ZNF451: variants seen among roughly 807,000 people sequenced by gnomAD.
ZNF451 encodes zinc finger protein 451.
Under a neutral mutation model 107.1 loss-of-function variants are expected in ZNF451, and 80 were observed. The observed-to-expected ratio is 0.75, with a 90% CI of 0.62 to 0.90. ZNF451 has a LOEUF of 0.90. Among genes scored for constraint, ZNF451 ranks in the 40% least tolerant of loss-of-function variants. The pLI is 0.00. For missense variants in ZNF451, 1,107 were observed against 1,236.2 expected (o/e 0.90, Z 1.57); for synonymous variants, 362 against 406.5 (o/e 0.89, Z 1.32).
intron 3 of ZNF451, among the ~76,000 whole-genome samples, chr6:57,120,554 T>G (rs1427506400): frequency 1.3e-5 from 2 of 152,260 alleles, no homozygotes; most frequent in African/African-American, 2.4e-5. Flanking sequence ...ACATCCTTGC[T>G]AACATTTGAT....
Position 57,150,739 on chromosome 6 carries a change from C to T in ZNF451, c.2629C>T (p.Pro877Ser). 2.5e-6 allele frequency: 4 copies of T among 1,602,424 alleles called. No homozygotes were observed. Among genetic ancestry groups the T allele is most frequent in the Non-Finnish European group, 3.4e-6 (4 of 1,175,672 alleles). Residue 877 changes from proline (P) to serine (S), a missense_variant, in exon 11 of 15, where the codon CCA (proline) becomes TCA (serine). Transcript: ENST00000370706. ...QNIEEEIVEL[P>S]DLDYLRTMTH... ...CTCAGAGGAAGAAATTGTTGAGCTT[C>T]CAGATTTGGATTACCTGCGAACCAT...
intron 7 of ZNF451, among the ~76,000 whole-genome samples, chr6:57,138,792 A>ATTT (rs397973821): frequency 1.2e-4 from 9 of 77,622 alleles, no homozygotes; most frequent in Admixed American, 3.1e-4. Flanking sequence ...TATATATAAA[A>ATTT]TTTTTTTTTT....
At chr6:57,104,409 T>C (rs946167184) in intron 3 of ZNF451, 1 of 985,286 alleles carries the variant, frequency 1.0e-6, no homozygotes, top group Admixed American at 6.1e-5. Flanking sequence ...CTTCAGACTT[T>C]TCACTTTCCA....
intron 3 of ZNF451, among the ~76,000 whole-genome samples, chr6:57,109,889 G>A (rs1444198975): frequency 6.6e-6 from 1 of 152,176 alleles, no homozygotes; most frequent in Admixed American, 6.5e-5. Flanking sequence ...ATCTTTTTCA[G>A]TACCTGCTAT....
rs1764041650 is a variant in ZNF451, at chr6:57,169,518, C to T, written c.*1049C>T. 1 of 152,070 alleles carries T rather than the reference C, an allele frequency of 6.6e-6. No homozygotes were observed. Among genetic ancestry groups the T allele is most frequent in the African/African-American group, 2.4e-5 (1 of 41,412 alleles). The allele number at this position is 152,070 out of a possible 1,614,324, so 9.4% of individuals were successfully genotyped here. ...TGTTATTTAACCAGAAATGTCTTATCTCTAAAAATTTTTAGTAGTAATTAT... is the reference window on the plus strand; with the variant it reads ...TGTTATTTAACCAGAAATGTCTTATTTCTAAAAATTTTTAGTAGTAATTAT... On this transcript the variant is annotated 3_prime_UTR_variant, in exon 15 of 15. Transcript: ENST00000370706.
intron 3 of ZNF451, chr6:57,108,005 A>T (rs1031477787): frequency 9.8e-6 from 5 of 509,472 alleles, no homozygotes; most frequent in Non-Finnish European, 1.3e-5. Context: ...CACCCGGCGA[A>T]TTTTTTGTAT....
At chr6:57,125,857 A>G (rs754559708) in intron 4 of ZNF451, among the ~76,000 whole-genome samples, 1 of 152,152 alleles carries the variant, frequency 6.6e-6, no homozygotes, top group African/African-American at 2.4e-5. Context: ...ACATACACAT[A>G]TGCAAACACA....
chr6:57,148,154 A>G lies in ZNF451; in HGVS notation c.2069A>G (p.His690Arg), dbSNP rs1417649879. 1 of 1,614,106 alleles carries G rather than the reference A, an allele frequency of 6.2e-7. No homozygotes were observed. Among genetic ancestry groups the G allele is most frequent in the East Asian group, 2.2e-5 (1 of 44,878 alleles). Residue 690 changes from histidine to arginine, a missense_variant, in exon 10 of 15, where the codon CAC becomes CGC. Coordinates refer to ENST00000370706, the MANE Select transcript of ZNF451 (RefSeq NM_001031623.3). The part of the protein sequence containing the change: ...EAFLSHYEEH[H>R]SIDYVFVSEK... Reference sequence around the variant, plus strand: ...TTTCTGAGTCATTATGAGGAGCACCACAGCATAGATTATGTATTTGTGTCA... The same window carrying G: ...TTTCTGAGTCATTATGAGGAGCACCGCAGCATAGATTATGTATTTGTGTCA...
At chr6:57,099,220 G>T in intron 3 of ZNF451, 79 bp downstream of exon 3, 1 of 1,157,294 alleles carries the variant, frequency 8.6e-7, no homozygotes. Flanking sequence ...TACCAAATCA[G>T]GGAAGGCTGT....
chr6:57,128,424 C>G (rs1205212595), intron 4 of ZNF451, among the ~76,000 whole-genome samples: 7 of 152,010 alleles, frequency 4.6e-5, no homozygotes, highest in Non-Finnish European at 1.0e-4. Flanking sequence ...AAGTATATTT[C>G]CACACCTTTG....
chr6:57,109,980 C>T (rs1186886971), intron 3 of ZNF451, among the ~76,000 whole-genome samples: 1 of 152,116 alleles, frequency 6.6e-6, no homozygotes, highest in African/African-American at 2.4e-5. Context: ...ATAAATACCA[C>T]TAAAGTATAA....
intron 3 of ZNF451, chr6:57,102,651 C>T: frequency 2.0e-6 from 2 of 985,478 alleles, no homozygotes; most frequent in Non-Finnish European, 2.4e-6. Flanking sequence ...TACTATCAAG[C>T]TCTGTGAGAC....
At chr6:57,125,593 T>A (rs75575866) in intron 4 of ZNF451, among the ~76,000 whole-genome samples, 257 of 152,306 alleles carry the variant, frequency 1.7e-3, no homozygotes, top group Non-Finnish European at 2.9e-3. Context: ...GAATGGACAA[T>A]TTAGAGATTC....
intron 3 of ZNF451, among the ~76,000 whole-genome samples, chr6:57,110,126 G>C (rs755514152): frequency 1.3e-5 from 2 of 152,326 alleles, no homozygotes; most frequent in Middle Eastern, 3.4e-3. Context: ...TAGTTGGCCT[G>C]GTGGAGAAAC....
In ZNF451 at chr6:57,147,376, A is replaced by C; in HGVS notation, c.1291A>C (p.Met431Leu). 1 of 1,614,108 alleles carries C rather than the reference A, an allele frequency of 6.2e-7. No homozygotes were observed. The change falls in exon 10 of 15, where the codon ATG (methionine) becomes CTG (leucine). Residue 431 changes from methionine to leucine, a missense_variant. Around this residue, in one of 5 missense-constraint regions of ZNF451, gnomAD observed 608 missense variants for 649.2 expected, o/e 0.94. Transcript: ENST00000370706. ...AAAATTTTCATCACTTAAAAGAACC[A>C]TGTCTATTAAAGAATCTAGCTCACT... Reference protein sequence around the residue: ...QSKFSSLKRTMSIKESSSLEC... With the variant: ...QSKFSSLKRTLSIKESSSLEC...
intron 3 of ZNF451, among the ~76,000 whole-genome samples, chr6:57,120,803 G>A (rs1830602991): frequency 6.6e-6 from 1 of 152,080 alleles, no homozygotes; most frequent in Admixed American, 6.6e-5. Context: ...TTTATCAGAT[G>A]TGTCTTTTGC....
In ZNF451 at chr6:57,142,054, C is replaced by A. The variant is rs752330728; in HGVS notation, c.963C>A (p.His321Gln). ...VPFQVKCVAC[H>Q]KTLRSHMELT... ...TTCAAGTTAAGTGTGTGGCCTGCCA[C>A]AAGACACTGCGTTCCCACATGGAGC... The change falls in exon 9 of 15, where the codon CAC (histidine) becomes CAA (glutamine). Residue 321 changes from histidine (H) to glutamine (Q), a missense_variant. Transcript: ENST00000370706. 6.2e-7 allele frequency: 1 copy of A among 1,613,868 alleles called. No individual in the cohort carries two copies. Among genetic ancestry groups the A allele is most frequent in the South Asian group, 1.1e-5 (1 of 91,040 alleles).
intron 2 of ZNF451, among the ~76,000 whole-genome samples, chr6:57,091,763 C>G (rs1301040898): frequency 1.3e-5 from 2 of 152,154 alleles, no homozygotes; most frequent in East Asian, 3.8e-4. Context: ...GTTTGGTATT[C>G]AAGCTGTAGA....
At chr6:57,138,739 A>ATGTGTGTGTGTGTG (rs1243721592) in intron 7 of ZNF451, among the ~76,000 whole-genome samples, 1 of 73,252 alleles carries the variant, frequency 1.4e-5, no homozygotes, top group African/African-American at 5.8e-5. Context: ...ATATATATAT[A>ATGTGTGTGTGTGTG]TATGTGTGTG....
Sources: allele counts gnomAD v4.1 joint callset (sites outside exome capture counted in the v4.1 genomes callset), GRCh38; gene constraint gnomAD v4.1.1; regional missense constraint gnomAD v4.1.1; transcripts MANE v1.5; gene names NCBI Gene and HGNC (gene_info 2026-07-23, HGNC 2026-07-21).